The following LRP2 variants were observed in gnomAD, a reference collection of about 807,000 sequenced individuals.
LRP2 encodes LDL receptor related protein 2.
A neutral mutation model predicts 531.0 loss-of-function variants in LRP2; 172 were observed. The observed-to-expected ratio is 0.32, with a 90% CI of 0.29 to 0.37. The LOEUF is 0.37. Among genes scored for constraint, LRP2 ranks in the 10% least tolerant of loss-of-function variants. The pLI, the probability that LRP2 is intolerant of heterozygous loss-of-function variation, is 1.00. For missense variants in LRP2, 5,167 were observed against 5,868.3 expected, an observed-to-expected ratio of 0.88 and a Z score of 3.90; for synonymous variants, 1,992 against 2,027.6, an observed-to-expected ratio of 0.98 and a Z score of 0.47.
chr2:169,136,344 T>C (rs1383702723), intron 76 of LRP2, among the ~76,000 whole-genome samples: 2 of 151,494 alleles, frequency 1.3e-5, no homozygotes, highest in Non-Finnish European at 2.9e-5. Flanking sequence ...GCCCCAACAC[T>C]TCAATACTAT....
chr2:169,274,547 A>G (rs748048892), intron 14 of LRP2, among the ~76,000 whole-genome samples: 1 of 152,190 alleles, frequency 6.6e-6, no homozygotes, highest in African/African-American at 2.4e-5. Flanking sequence ...TTGGCCTATG[A>G]CAGATTAATC....
intron 4 of LRP2, among the ~76,000 whole-genome samples, chr2:169,303,047 A>AATG (rs1684324986): frequency 6.6e-6 from 1 of 152,106 alleles, no homozygotes; most frequent in Admixed American, 6.6e-5. Flanking sequence ...GGAATTATAC[A>AATG]ATGTCTAAGA....
intron 9 of LRP2, among the ~76,000 whole-genome samples, chr2:169,286,840 AAAAG>A (rs1458841558): frequency 2.0e-5 from 3 of 152,318 alleles, no homozygotes; most frequent in East Asian, 3.9e-4. Context: ...TGATAAAGGA[AAAAG>A]AGAGAAAAGC....
At chr2:169,218,834 C>T (rs917350867) in intron 34 of LRP2, among the ~76,000 whole-genome samples, 4 of 152,120 alleles carry the variant, frequency 2.6e-5, no homozygotes, top group African/African-American at 7.2e-5. Context: ...CCTAGGAAGC[C>T]TCCTACTGAA....
At chr2:169,301,706 C>T (rs964745031) in intron 4 of LRP2, among the ~76,000 whole-genome samples, 2 of 152,114 alleles carry the variant, frequency 1.3e-5, no homozygotes, top group Non-Finnish European at 2.9e-5. Context: ...CCATCTCGAA[C>T]ATTCTCTCAC....
intron 5 of LRP2, 121 bp from the exon 6 acceptor site, chr2:169,294,382 G>C: frequency 1.3e-6 from 1 of 781,294 alleles, no homozygotes; most frequent in Admixed American, 1.9e-5. Flanking sequence ...GTGGTGTGCT[G>C]GTAACTGTTT....
rs530368272 is a variant in LRP2, at chr2:169,220,327, T to C, written c.5648+127A>G. ...TATTTCTCTTTCTCACTGAGATCTA[T>C]TATTTTTCAAATGTTGACATATGAA... On this transcript the variant is annotated intron_variant, in intron 34 of 78. Transcript: ENST00000649046. The C allele has an allele frequency of 1.6e-4, 115 of 735,968 alleles. 1 individual carries two copies. Among genetic ancestry groups the C allele is most frequent in the South Asian group, 1.3e-3 (85 of 67,448 alleles). 45.6% of individuals were successfully genotyped at this position (735,968 alleles called of 1,614,324 possible).
chr2:169,206,631 C>T lies in LRP2; in HGVS notation c.7089G>A (p.Leu2363=), dbSNP rs1430124408. The T allele has an allele frequency of 6.2e-7, 1 of 1,613,996 alleles. No individual in the cohort carries two copies. The highest frequency in any genetic ancestry group is 8.5e-7 in the Non-Finnish European group (1 of 1,180,028). Residue 2363 remains leucine, a synonymous_variant, in exon 39 of 79, where the codon TTG becomes TTA. Coordinates refer to ENST00000649046, the MANE Select transcript of LRP2 (RefSeq NM_004525.3). ...AGGCACAGTCACATTTTGGGGTGTG[C>T]AATCCAGGCAGAGCAAAGCAGAGAT... ...CSHLCFALPG[L]HTPKCDCAFG...
chr2:169,185,711 T>C lies in LRP2; in HGVS notation c.9637A>G (p.Thr3213Ala). 6.2e-7 allele frequency: 1 copy of C among 1,614,058 alleles called. No individual in the cohort carries two copies. The highest frequency in any genetic ancestry group is 8.5e-7 in the Non-Finnish European group (1 of 1,179,998). ...AGGGAGTAAAAATAGCCATCTATAG[T>C]TAAATTTCTCAAATAGTAACGGTTG... is the stretch of plus-strand genomic sequence containing the variant. ...FSNRYYLRNL[T>A]IDGYFYSLIL... The change falls in exon 50 of 79, where the codon ACT becomes GCT. Residue 3213 changes from threonine to alanine, a missense_variant. Physicochemically the swap from Thr to Ala is moderately conservative, Grantham distance 58 (BLOSUM62 0). Transcript: ENST00000649046.
intron 8 of LRP2, among the ~76,000 whole-genome samples, chr2:169,290,264 CTTTTTTTTTTTTTTTT>C (rs11463198): frequency 1.8e-5 from 1 of 56,950 alleles, no homozygotes; most frequent in East Asian, 6.8e-4. Context: ...GAACCAGAAG[CTTTTTTTTTTTTTTTT>C]TTTTTTTTTT....
intron 44 of LRP2, among the ~76,000 whole-genome samples, chr2:169,201,185 G>T (rs1188126028): frequency 6.6e-6 from 1 of 152,210 alleles, no homozygotes. Context: ...AGTGGGAAGT[G>T]TTGTGGCATA....
At chr2:169,180,084 C>T (rs1186651823) in intron 52 of LRP2, among the ~76,000 whole-genome samples, 1 of 152,106 alleles carries the variant, frequency 6.6e-6, no homozygotes, top group Non-Finnish European at 1.5e-5. Context: ...CTCTAATGCT[C>T]CTGGAAACAC....
chr2:169,133,203 A>G (rs1685355917), intron 76 of LRP2, among the ~76,000 whole-genome samples: 1 of 152,230 alleles, frequency 6.6e-6, no homozygotes, highest in South Asian at 2.1e-4. Context: ...AAAAGATGAG[A>G]ATGATAGAAT....
chr2:169,347,576 T>A, intron 1 of LRP2, among the ~76,000 whole-genome samples: 2 of 143,924 alleles, frequency 1.4e-5, no homozygotes, highest in African/African-American at 2.6e-5. Flanking sequence ...AAAAGACACA[T>A]AATTATAGAG....
intron 17 of LRP2, among the ~76,000 whole-genome samples, chr2:169,257,825 C>CAA (rs74268259): frequency 9.8e-5 from 13 of 132,390 alleles, no homozygotes; most frequent in African/African-American, 2.2e-4. Flanking sequence ...AAAACAAAAA[C>CAA]AAAAAAAAAA....
At chr2:169,220,619 CTG>C in intron 33 of LRP2, 56 bp from the exon 34 acceptor site, 1 of 1,178,776 alleles carries the variant, frequency 8.5e-7, no homozygotes, top group Non-Finnish European at 1.3e-6. Context: ...CCAAAGGAAA[CTG>C]AGATGAAGGA....
At chr2:169,187,099 G>A (rs967760911) in intron 49 of LRP2, among the ~76,000 whole-genome samples, 1 of 151,896 alleles carries the variant, frequency 6.6e-6, no homozygotes, top group Non-Finnish European at 1.5e-5. Context: ...TTTAAGTTCA[G>A]GGGTACATGT....
intron 25 of LRP2, chr2:169,240,626 T>C: frequency 2.3e-6 from 1 of 429,482 alleles, no homozygotes; most frequent in Non-Finnish European, 4.2e-6. Flanking sequence ...TGGACTTCAT[T>C]TTTTTGTGAT....
chr2:169,299,310 T>C (rs1684230550), intron 4 of LRP2, among the ~76,000 whole-genome samples: 4 of 151,962 alleles, frequency 2.6e-5, no homozygotes, highest in African/African-American at 9.7e-5. Context: ...AGAAATAAAC[T>C]AAGTTATCTA....
Sources: allele counts gnomAD v4.1 joint callset (sites outside exome capture counted in the v4.1 genomes callset), GRCh38; gene constraint gnomAD v4.1.1; transcripts MANE v1.5; gene names NCBI Gene and HGNC (gene_info 2026-07-23, HGNC 2026-07-21).